Variants in CDC14B observed in about 807,000 individuals in gnomAD.
CDC14B encodes cell division cycle 14B, also known as dual specificity protein phosphatase CDC14B.
A neutral mutation model predicts 64.2 loss-of-function variants in CDC14B; 22 were observed. The observed-to-expected ratio is 0.34, with a 90% confidence interval of 0.24 to 0.49. The LOEUF is 0.49. Ranked by LOEUF, CDC14B falls within the 20% of genes least tolerant of loss-of-function variation. The pLI is 0.99. For synonymous variants in CDC14B, 191 were observed against 215.8 expected, an observed-to-expected ratio of 0.89 and a Z score of 1.01; for missense variants, 498 against 629.9, an observed-to-expected ratio of 0.79 and a Z score of 2.24.
chr9:96,581,098 C>A (rs140047862), intron 1 of CDC14B, among the ~76,000 whole-genome samples: 1 of 151,910 alleles, frequency 6.6e-6, no homozygotes, highest in Non-Finnish European at 1.5e-5. Context: ...GGCATGGTGG[C>A]GCGCGCCTGT....
At chr9:96,603,078 G>GTAAC (rs1165474818) in intron 1 of CDC14B, among the ~76,000 whole-genome samples, 3 of 151,520 alleles carry the variant, frequency 2.0e-5, no homozygotes, top group African/African-American at 7.3e-5. Context: ...TGCTCATTGA[G>GTAAC]TAACCTAAGA....
At chr9:96,586,393 G>T (rs376314471) in intron 1 of CDC14B, among the ~76,000 whole-genome samples, 15 of 152,150 alleles carry the variant, frequency 9.9e-5, no homozygotes, top group Middle Eastern at 3.2e-3. Context: ...AAAGATTCTT[G>T]AAATAGTAAT....
chr9:96,561,548 C>T (rs974530166), intron 4 of CDC14B, among the ~76,000 whole-genome samples: 2 of 152,022 alleles, frequency 1.3e-5, no homozygotes, highest in African/African-American at 4.8e-5. Context: ...GCGCGATCTC[C>T]GCTCACTGCA....
At chr9:96,582,321 T>C (rs1845206050) in intron 1 of CDC14B, among the ~76,000 whole-genome samples, 1 of 152,230 alleles carries the variant, frequency 6.6e-6, no homozygotes, top group Admixed American at 6.5e-5. Flanking sequence ...CTCCCACAAT[T>C]TAGCCTAAAT....
chr9:96,543,190 G>A (rs931387116), intron 5 of CDC14B, among the ~76,000 whole-genome samples: 1 of 152,054 alleles, frequency 6.6e-6, no homozygotes, highest in Non-Finnish European at 1.5e-5. Flanking sequence ...CGAAAAATGA[G>A]CCGGGCGTGG....
In CDC14B at chr9:96,515,900, G is replaced by A. The variant is rs922235634; in HGVS notation, c.1344-6111C>T. On this transcript the variant is annotated intron_variant, in intron 12 of 13. Transcript: ENST00000375241. This position sits in a 1 kb window ranked among gnomAD's most constrained non-coding sequence, Gnocchi z 4.3. ...TATGTGAATTTTAGACACCCTAAAAGCCCAGCCAACAGCAACAGGGATACA... is the reference window on the plus strand; with the variant it reads ...TATGTGAATTTTAGACACCCTAAAAACCCAGCCAACAGCAACAGGGATACA... 2.7e-5 allele frequency: 28 copies of A among 1,032,016 alleles called. No homozygotes were observed. In the Admixed American group the frequency reaches 7.3e-4, roughly 27 times the overall value. The allele number at this position is 1,032,016 out of a possible 1,614,324, so 63.9% of individuals were successfully genotyped here. A position where few individuals can be genotyped will look rare whatever the true frequency, so the allele number is the denominator to read the frequency against.
chr9:96,493,752 G>T (rs2131175343), intron 13 of CDC14B, among the ~76,000 whole-genome samples: 1 of 152,204 alleles, frequency 6.6e-6, no homozygotes, highest in South Asian at 2.1e-4. Flanking sequence ...TTGAGCCCAG[G>T]AGTTTGAGGT....
chr9:96,612,106 A>G (rs980842660), intron 1 of CDC14B, among the ~76,000 whole-genome samples: 13 of 152,284 alleles, frequency 8.5e-5, no homozygotes, highest in Admixed American at 2.0e-4. Context: ...CTAAAGAGAA[A>G]CTCTAACATT....
At position 96,517,915 on chromosome 9, in the gene CDC14B, T is replaced by C. The variant is rs1835994974; in HGVS notation, c.1343+4591A>G. 3.3e-5 allele frequency among the ~76,000 whole-genome samples: 5 copies of C among 151,670 alleles called. No individual in the cohort carries two copies. In the South Asian group the frequency reaches 8.4e-4, roughly 25 times the overall value. On this transcript the variant is annotated intron_variant, in intron 12 of 13. Coordinates refer to ENST00000375241, the MANE Select transcript of CDC14B (RefSeq NM_033331.4). ...TCGAACTCCTGGGCTCAAGTGATCC[T>C]GCTGCCTTGAACTCCCAAAGCACTG... is the stretch of plus-strand genomic sequence containing the variant.
rs1453793262 is a variant in CDC14B at position 96,515,045 on chromosome 9, A to T, written c.1344-5256T>A. 11 of 367,164 alleles carry T rather than the reference A, an allele frequency of 3.0e-5. No homozygotes were observed. The highest frequency in any genetic ancestry group is 3.8e-5 in the Non-Finnish European group (10 of 264,740). The allele number at this position is 367,164 out of a possible 1,614,324, so 22.7% of individuals were successfully genotyped here. The stretch of plus-strand genomic sequence containing the variant: ...CTCCGACCTCCTACTTTCATTTAGC[A>T]TCAAGTGCTACACACTGTACTTACT... On this transcript the variant is annotated intron_variant, in intron 12 of 13. Coordinates refer to ENST00000375241, the MANE Select transcript of CDC14B (RefSeq NM_033331.4). This position sits in a 1 kb window ranked among gnomAD's most constrained non-coding sequence, Gnocchi z 4.3.
intron 12 of CDC14B, among the ~76,000 whole-genome samples, chr9:96,512,574 TC>T (rs1034738617): frequency 1.3e-5 from 2 of 152,196 alleles, no homozygotes; most frequent in African/African-American, 4.8e-5. Flanking sequence ...TTCTCTTTCC[TC>T]GACCTTCCAA....
intron 1 of CDC14B, among the ~76,000 whole-genome samples, chr9:96,578,389 A>G (rs573276946): frequency 6.6e-6 from 1 of 152,234 alleles, no homozygotes; most frequent in Admixed American, 6.5e-5. Flanking sequence ...CGAAGAATAC[A>G]GTGTGGAAAG....
At chr9:96,496,805 G>A (rs1833266784), downstream of CDC14B, among the ~76,000 whole-genome samples, 1 of 152,144 alleles carries the variant, frequency 6.6e-6, no homozygotes, top group African/African-American at 2.4e-5. Flanking sequence ...TCTGCCCGCC[G>A]GCCCGAGAGC....
chr9:96,530,453 G>A (rs1479493113), intron 9 of CDC14B, among the ~76,000 whole-genome samples: 1 of 135,300 alleles, frequency 7.4e-6, no homozygotes, highest in African/African-American at 3.1e-5. Flanking sequence ...TTTTTTTTTG[G>A]TATTTTAGTA....
chr9:96,548,390 TA>T (rs964760724), intron 5 of CDC14B, among the ~76,000 whole-genome samples: 22 of 152,148 alleles, frequency 1.4e-4, no homozygotes, highest in African/African-American at 4.8e-4. Flanking sequence ...CTATGATATT[TA>T]AAAAAAATTA....
rs1382514892 is a variant in CDC14B, at chr9:96,523,407, G to A, written c.1099C>T (p.Leu367Phe). The change falls in exon 11 of 14, where the codon CTC (leucine) becomes TTC (phenylalanine). Residue 367 changes from leucine (L) to phenylalanine (F), a missense_variant. Coordinates refer to ENST00000375241, the MANE Select transcript of CDC14B (RefSeq NM_033331.4). Reference protein sequence around the residue: ...QQFLVMKQTNLWLEGDYFRQK... With the variant: ...QQFLVMKQTNFWLEGDYFRQK... ...CGAAAATAGTCCCCTTCCAGCCAGAGGTTGGTTTGCTTCCTAGAGCATTTA... is the reference window on the plus strand; with the variant it reads ...CGAAAATAGTCCCCTTCCAGCCAGAAGTTGGTTTGCTTCCTAGAGCATTTA... The A allele has an allele frequency of 1.9e-6, 3 of 1,614,072 alleles. No homozygotes were observed. Among genetic ancestry groups the A allele is most frequent in the Admixed American group, 1.7e-5 (1 of 60,024 alleles).
intron 13 of CDC14B, among the ~76,000 whole-genome samples, chr9:96,508,375 A>C (rs112321466): frequency 1.1e-4 from 1 of 9,118 alleles, no homozygotes; most frequent in South Asian, 7.9e-3. Context: ...ACTAAACTAA[A>C]TGTATGACTC....
At chr9:96,569,730 T>C (rs1053515011) in intron 1 of CDC14B, among the ~76,000 whole-genome samples, 74 of 152,184 alleles carry the variant, frequency 4.9e-4, no homozygotes, top group Middle Eastern at 3.4e-3. Flanking sequence ...GCTCAAGCGA[T>C]TCTCCTGCCT....
Position 96,533,922 on chromosome 9 carries a change from C to T in CDC14B, c.946+5G>A, listed in dbSNP as rs777099849. On this transcript the variant is annotated splice_donor_5th_base_variant and intron_variant, in intron 9 of 13. Coordinates refer to ENST00000375241, the MANE Select transcript of CDC14B (RefSeq NM_033331.4). ...ACTATTCTTTAACCACCCCTAGAAACATACCTTTGCAATGTACTGCAATGG... is the reference window on the plus strand; with the variant it reads ...ACTATTCTTTAACCACCCCTAGAAATATACCTTTGCAATGTACTGCAATGG... 2 of 1,588,444 alleles carry T rather than the reference C, an allele frequency of 1.3e-6. No homozygotes were observed. Among genetic ancestry groups the T allele is most frequent in the South Asian group, 2.3e-5 (2 of 88,706 alleles).
Sources: allele counts gnomAD v4.1 joint callset (sites outside exome capture counted in the v4.1 genomes callset), GRCh38; gene constraint gnomAD v4.1.1; non-coding constraint Gnocchi (gnomAD v3.1); transcripts MANE v1.5; gene names NCBI Gene and HGNC (gene_info 2026-07-23, HGNC 2026-07-21).